Variants in CREB3L4 observed in about 807,000 individuals in gnomAD.
The protein encoded by CREB3L4 is cyclic AMP-responsive element-binding protein 3-like protein 4.
In CREB3L4, 28 loss-of-function variants were observed where a neutral mutation model predicts 37.0. The ratio of observed to expected loss-of-function variants is 0.76; its 90% CI spans 0.56 to 1.04. The LOEUF (loss-of-function observed/expected upper bound fraction) is 1.04, where lower values mean the gene tolerates loss of function less well. Ranked by LOEUF, CREB3L4 falls within the 50% of genes least tolerant of loss-of-function variation. The probability of loss-of-function intolerance (pLI) is 0.00; values close to 1 mark genes in which losing one functional copy is unlikely to be tolerated. For synonymous variants in CREB3L4, 175 were observed against 192.2 expected, an observed-to-expected ratio of 0.91 and a Z score of 0.74; for missense variants, 462 against 486.0, an observed-to-expected ratio of 0.95 and a Z score of 0.46.
At chr1:153,968,789 C>T in intron 2 of CREB3L4, 90 bp downstream of exon 2, 1 of 1,556,750 alleles carries the variant, frequency 6.4e-7, no homozygotes, top group South Asian at 1.2e-5. Context: ...GGTCTGAAAA[C>T]AGACCACCCC....
At position 153,974,023 on chromosome 1, in the gene CREB3L4, C is replaced by T; in HGVS notation, c.1146C>T (p.Pro382=). The T allele has an allele frequency of 6.2e-7, 1 of 1,614,136 alleles. No homozygotes were observed. Among genetic ancestry groups the T allele is most frequent in the Admixed American group, 1.7e-5 (1 of 60,012 alleles). The stretch of plus-strand genomic sequence containing the variant: ...AGAAGATGGGAGGGAAGCCAAGACC[C>T]AGTGGGCGCATCCGGTCCGTGCTGC... ...LLEKMGGKPR[P]SGRIRSVLHA... Residue 382 remains proline (P), a synonymous_variant, in exon 10 of 10, where the codon CCC becomes CCT. Transcript: ENST00000368607.
chr1:153,968,424 T>G (rs1647974045), intron 1 of CREB3L4, 98 bp from the exon 2 acceptor site: 2 of 1,058,624 alleles, frequency 1.9e-6, no homozygotes, highest in Non-Finnish European at 1.4e-6. Context: ...GGGGCGGGGA[T>G]AATGGAAAAG....
chr1:153,968,626 C>G lies in CREB3L4; in HGVS notation c.101C>G (p.Pro34Arg). The G allele has an allele frequency of 7.4e-6, 12 of 1,614,072 alleles. No individual in the cohort carries two copies. Among genetic ancestry groups the G allele is most frequent in the Non-Finnish European group, 9.3e-6 (11 of 1,180,026 alleles). The change falls in exon 2 of 10, where the codon CCT becomes CGT. Residue 34 changes from proline to arginine, a missense_variant. Physicochemically the swap from Pro to Arg is moderately radical, Grantham distance 103 (BLOSUM62 -2). Coordinates refer to ENST00000368607, the MANE Select transcript of CREB3L4 (RefSeq NM_001255978.2). ...CTGGAGCTGGGACTCCACTGCCCCC[C>G]TCCAGAGGTTCCGGTAACTAGGCTA... is the stretch of plus-strand genomic sequence containing the variant. ...SVLELGLHCPPPEVPVTRLQE... is the reference protein window; with the variant it reads ...SVLELGLHCPRPEVPVTRLQE...
intron 4 of CREB3L4, among the ~76,000 whole-genome samples, chr1:153,971,331 G>C (rs1042217029): frequency 4.6e-5 from 7 of 151,496 alleles, no homozygotes; most frequent in Non-Finnish European, 1.0e-4. Flanking sequence ...TTGCGCCATT[G>C]AACTCCAGCC....
intron 2 of CREB3L4, 69 bp downstream of exon 2, chr1:153,968,768 A>G (rs1648035342): frequency 1.9e-6 from 3 of 1,590,924 alleles, no homozygotes; most frequent in Admixed American, 3.4e-5. Flanking sequence ...TTCAGCTCCC[A>G]CTTGGAGACA....
At chr1:153,968,372 G>T in intron 1 of CREB3L4, 150 bp from the exon 2 acceptor site, 1 of 635,986 alleles carries the variant, frequency 1.6e-6, no homozygotes, top group South Asian at 2.0e-5. Context: ...GTGAAATATC[G>T]AGGGGACAGG....
chr1:153,971,853 G>A (rs1163845488), intron 4 of CREB3L4, among the ~76,000 whole-genome samples: 5 of 151,782 alleles, frequency 3.3e-5, no homozygotes, highest in East Asian at 1.9e-4. Flanking sequence ...ATGGAGTTTC[G>A]CTCTTGTTGC....
Position 153,969,184 on chromosome 1 carries a change from T to G in CREB3L4, c.421+8T>G, listed in dbSNP as rs774723060. 6.2e-7 allele frequency: 1 copy of G among 1,614,054 alleles called. No individual in the cohort carries two copies. The highest frequency in any genetic ancestry group is 8.5e-7 in the Non-Finnish European group (1 of 1,180,010). On this transcript the variant is annotated splice_region_variant and intron_variant, in intron 3 of 9. Transcript: ENST00000368607. ...TTATCTCCATCCAGCTAGGTCAGTG[T>G]TCTTTGTGGGAAGGGGGAAATGGCC...
In CREB3L4 at chr1:153,969,471, A is replaced by G. The variant is rs1219082977; in HGVS notation, c.543+16A>G. 1 of 1,613,422 alleles carries G rather than the reference A, an allele frequency of 6.2e-7. No homozygotes were observed. Among genetic ancestry groups the G allele is most frequent in the Non-Finnish European group, 8.5e-7 (1 of 1,179,552 alleles). On this transcript the variant is annotated intron_variant, in intron 4 of 9. Coordinates refer to ENST00000368607, the MANE Select transcript of CREB3L4 (RefSeq NM_001255978.2). The stretch of plus-strand genomic sequence containing the variant: ...TACAACCCTGGTGAGTCTTGGTGTC[A>G]GCCAGAACCACTACTCCTTGATACA...
At chr1:153,972,544 T>C (rs571789613) in intron 4 of CREB3L4, among the ~76,000 whole-genome samples, 200 bp from the exon 5 acceptor site, 61 of 152,168 alleles carry the variant, frequency 4.0e-4, no homozygotes, top group Admixed American at 7.2e-4. Context: ...CTCTCCCTTC[T>C]TGGCCTCAGG....
intron 2 of CREB3L4, 113 bp from the exon 3 acceptor site, chr1:153,968,817 G>A: frequency 6.6e-7 from 1 of 1,524,672 alleles, no homozygotes; most frequent in South Asian, 1.2e-5. Flanking sequence ...GACGTAAGTT[G>A]TATAATAACT....
At position 153,973,671 on chromosome 1, in the gene CREB3L4, CAG is replaced by C. The variant is rs1210655827; in HGVS notation, c.952_953del (p.Arg319ThrfsTer6). The C allele has an allele frequency of 6.2e-7, 1 of 1,609,414 alleles. No individual in the cohort carries two copies. Among genetic ancestry groups the C allele is most frequent in the Non-Finnish European group, 8.5e-7 (1 of 1,177,650 alleles). On this transcript the variant is annotated frameshift_variant, in exon 9 of 10. Transcript: ENST00000368607. LOFTEE classifies it low-confidence loss of function (END_TRUNC). Reference protein sequence around the residue: ...LIILPSFSPFQSRPEAGSEDY... With the variant: ...LIILPSFSPFXSRPEAGSEDY... ...CATCCTGCCCAGCTTCAGTCCATTC[CAG>C]AGTCGACCAGAAGCTGGGTCTGAGG...
Position 153,974,139 on chromosome 1 carries a change from T to C in CREB3L4, c.*74T>C. On this transcript the variant is annotated 3_prime_UTR_variant, in exon 10 of 10. Transcript: ENST00000368607. ...GCTTCCTTATGGCTTTGCTTCCCAC[T>C]GGGATTCCTACTTAGGTGTCTGCCC... 7.0e-7 allele frequency: 1 copy of C among 1,434,992 alleles called. No homozygotes were observed. Among genetic ancestry groups the C allele is most frequent in the Non-Finnish European group, 9.5e-7 (1 of 1,047,720 alleles). The allele number at this position is 1,434,992 out of a possible 1,614,324, so 88.9% of individuals were successfully genotyped here.
chr1:153,970,361 A>G (rs1648250521), intron 4 of CREB3L4, among the ~76,000 whole-genome samples: 1 of 152,200 alleles, frequency 6.6e-6, no homozygotes, highest in South Asian at 2.1e-4. Context: ...CTTTGCATGC[A>G]TTGTATTCTT....
rs1166779634 is a variant in CREB3L4 at position 153,973,052 on chromosome 1, G to A, written c.717G>A (p.Lys239=). 4 of 1,614,150 alleles carry A rather than the reference G, an allele frequency of 2.5e-6. No individual in the cohort carries two copies. The highest frequency in any genetic ancestry group is 2.5e-6 in the Non-Finnish European group (3 of 1,180,022). ...CTCAGGACAGTCGGCGGCGGAAGAA[G>A]GAGTACATTGATGGGCTGGAGAGCA... ...QSAQDSRRRK[K]EYIDGLESRV... The change falls in exon 6 of 10, where the codon AAG becomes AAA. Residue 239 remains lysine, a synonymous_variant. Transcript: ENST00000368607.
chr1:153,967,513 C>G (rs963593153), upstream of CREB3L4: 1 of 152,190 alleles, frequency 6.6e-6, no homozygotes, highest in African/African-American at 2.4e-5. Flanking sequence ...CGGCCGGACG[C>G]AGTGGCTCGC....
rs148152806 is a variant in CREB3L4 at position 153,973,963 on chromosome 1, C to G, written c.1086C>G (p.Ala362=). 1 of 1,614,028 alleles carries G rather than the reference C, an allele frequency of 6.2e-7. No individual in the cohort carries two copies. The highest frequency in any genetic ancestry group is 1.3e-5 in the African/African-American group (1 of 74,920). Residue 362 remains alanine (A), a synonymous_variant, in exon 10 of 10, where the codon GCC becomes GCG. Transcript: ENST00000368607. ...CCAGACTGAGGGAGCCACCTGGAGC[C>G]AAGGATGCAAATGGCTCAACAAGGA... ...VESRLREPPG[A]KDANGSTRTL...
intron 4 of CREB3L4, among the ~76,000 whole-genome samples, chr1:153,972,492 AG>A (rs1488707114): frequency 6.6e-6 from 1 of 152,196 alleles, no homozygotes; most frequent in African/African-American, 2.4e-5. Context: ...CAGAGTGCCA[AG>A]GTCCTCAGTG....
In CREB3L4 at chr1:153,974,176, A is replaced by G. The variant is rs572766238; in HGVS notation, c.*111A>G. On this transcript the variant is annotated 3_prime_UTR_variant, in exon 10 of 10. Transcript: ENST00000368607. ...TTAGGTGTCTGCCCTCAGGGGTCCA[A>G]ATCACTTCAGGACACCCCAAGAGAT... 19 of 1,021,312 alleles carry G rather than the reference A, an allele frequency of 1.9e-5. No individual in the cohort carries two copies. Among genetic ancestry groups the G allele is most frequent in the Non-Finnish European group, 2.4e-5 (17 of 698,788 alleles). 63.3% of individuals were successfully genotyped at this position (1,021,312 alleles called of 1,614,324 possible). A position where few individuals can be genotyped will look rare whatever the true frequency, so the allele number is the denominator to read the frequency against.
Sources: gnomAD v4.1 joint callset for allele counts (sites outside exome capture counted in the v4.1 genomes callset) on GRCh38, gnomAD v4.1.1 for gene constraint, MANE v1.5 for transcripts, NCBI Gene and HGNC (gene_info 2026-07-23, HGNC 2026-07-21) for gene names.